Variants in C8orf89 observed in about 807,000 individuals in gnomAD.
C8orf89 encodes the protein chromosome 8 open reading frame 89.
A neutral mutation model predicts 15.8 loss-of-function variants in C8orf89; 14 were observed. The ratio of observed to expected loss-of-function variants is 0.89; its 90% CI spans 0.59 to 1.39. The LOEUF (loss-of-function observed/expected upper bound fraction) is 1.39. Ranked by LOEUF, C8orf89 falls within the 40% of genes most tolerant of loss-of-function variation. The pLI, the probability that C8orf89 is intolerant of heterozygous loss-of-function variation, is 0.00. For synonymous variants in C8orf89, 55 were observed against 62.2 expected, an observed-to-expected ratio of 0.88 and a Z score of 0.54; for missense variants, 181 against 184.5, an observed-to-expected ratio of 0.98 and a Z score of 0.11.
At chr8:73,273,653 C>A in the C8orf89 span, among the ~76,000 whole-genome samples, 1 of 152,078 alleles carries the variant, frequency 6.6e-6, no homozygotes, top group East Asian at 1.9e-4. Context: ...AGGCGGTCCC[C>A]AGTGAAGCCT....
intron 3 of C8orf89, among the ~76,000 whole-genome samples, chr8:73,246,417 C>T (rs111515007): frequency 0.057 from 8,708 of 152,252 alleles, 351 homozygotes; most frequent in African/African-American, 0.12. Flanking sequence ...CTCGCTCTGT[C>T]GCCCAGGCTA....
the C8orf89 span, among the ~76,000 whole-genome samples, chr8:73,285,772 C>A: frequency 1.8e-4 from 27 of 152,336 alleles, no homozygotes; most frequent in East Asian, 5.0e-3. Context: ...CCCGCCCAGT[C>A]CAGCCTTGTC....
the C8orf89 span, among the ~76,000 whole-genome samples, chr8:73,273,924 ACT>A: frequency 6.6e-6 from 1 of 152,054 alleles, no homozygotes; most frequent in Admixed American, 6.5e-5. Context: ...TCTTAAAACT[ACT>A]AAATAGAACT....
At chr8:73,285,923 C>T in the C8orf89 span, among the ~76,000 whole-genome samples, 2 of 152,114 alleles carry the variant, frequency 1.3e-5, no homozygotes, top group East Asian at 1.9e-4. Context: ...TCTCCCGAGG[C>T]TGCAGCGCTG....
upstream of C8orf89, among the ~76,000 whole-genome samples, chr8:73,263,466 A>G (rs1471555826): frequency 6.6e-6 from 1 of 152,028 alleles, no homozygotes; most frequent in African/African-American, 2.4e-5. Context: ...GTGAGCCGAG[A>G]TCACACAACT....
chr8:73,254,975 G>T (rs1195939827), intron 2 of C8orf89, among the ~76,000 whole-genome samples: 4 of 152,128 alleles, frequency 2.6e-5, no homozygotes, highest in Non-Finnish European at 5.9e-5. Context: ...ATTCAAGATG[G>T]ATTAAAGACT....
the C8orf89 span, among the ~76,000 whole-genome samples, chr8:73,272,453 T>C: frequency 6.6e-6 from 1 of 151,912 alleles, no homozygotes; most frequent in Non-Finnish European, 1.5e-5. Flanking sequence ...TTTTTTTTAA[T>C]ATATATATAT....
intron 1 of C8orf89, among the ~76,000 whole-genome samples, chr8:73,258,526 C>A (rs1208486815): frequency 6.6e-6 from 1 of 151,310 alleles, no homozygotes; most frequent in Non-Finnish European, 1.5e-5. Context: ...TATTAATATA[C>A]TCATCTACAT....
chr8:73,272,690 T>C, the C8orf89 span, among the ~76,000 whole-genome samples: 1 of 151,626 alleles, frequency 6.6e-6, no homozygotes, highest in South Asian at 2.1e-4. Context: ...CACCTATGAG[T>C]GAGAACATGC....
chr8:73,283,723 G>A, the C8orf89 span, among the ~76,000 whole-genome samples: 9 of 152,304 alleles, frequency 5.9e-5, no homozygotes, highest in African/African-American at 2.2e-4. Context: ...AATTTATTCT[G>A]TAGAACTGTT....
At chr8:73,274,783 A>G in the C8orf89 span, among the ~76,000 whole-genome samples, 1 of 152,202 alleles carries the variant, frequency 6.6e-6, no homozygotes, top group African/African-American at 2.4e-5. Context: ...TTAGTTTTAC[A>G]TAAATAAGTT....
At chr8:73,273,433 T>C in the C8orf89 span, among the ~76,000 whole-genome samples, 1 of 152,254 alleles carries the variant, frequency 6.6e-6, no homozygotes, top group Non-Finnish European at 1.5e-5. Context: ...GGGCGTGTGC[T>C]CGCTCAGGGA....
At position 73,256,726 on chromosome 8, in the gene C8orf89, C is replaced by CAAAAAA. The variant is rs11288188; in HGVS notation, c.281+241_281+246dup. The stretch of plus-strand genomic sequence containing the variant: ...CTGGCAAAACAGCGAGACTCTGTCT[C>CAAAAAA]AAAAAAAAAAAAAAAAAAAAAAAGC... On this transcript the variant is annotated intron_variant, in intron 2 of 3. Coordinates refer to ENST00000624510, the MANE Select transcript of C8orf89 (RefSeq NM_001243237.3). Among the ~76,000 whole-genome samples the CAAAAAA allele has an allele frequency of 2.0e-3, 86 of 43,652 alleles. 1 individual carries two copies. The highest frequency in any genetic ancestry group is 4.5e-3 in the East Asian group (5 of 1,120). 28.6% of individuals were successfully genotyped at this position (43,652 alleles called of 152,430 possible). A position where few individuals can be genotyped will look rare whatever the true frequency, so the allele number is the denominator to read the frequency against.
Position 73,257,041 on chromosome 8 carries a change from A to G in C8orf89, c.213T>C (p.Ser71=). Residue 71 remains serine, a synonymous_variant, in exon 2 of 4, where the codon AGT becomes AGC. Transcript: ENST00000624510. ...GAACCTCTAGTGGAGTTGAACTTAC[A>G]CTTTTTTGGCAACTTTGCAGTCCTG... The part of the protein sequence containing the change: ...YLPGLQSCQK[S]VSSTPLEVPK... 6.5e-7 allele frequency: 1 copy of G among 1,535,812 alleles called. No homozygotes were observed. The highest frequency in any genetic ancestry group is 8.7e-7 in the Non-Finnish European group (1 of 1,146,746).
chr8:73,251,872 C>T (rs1404355828), intron 2 of C8orf89, among the ~76,000 whole-genome samples: 1 of 152,204 alleles, frequency 6.6e-6, no homozygotes, highest in Non-Finnish European at 1.5e-5. Context: ...CTGCACACTC[C>T]TACCTCCTCC....
At chr8:73,254,875 C>T (rs1457607012) in intron 2 of C8orf89, among the ~76,000 whole-genome samples, 1 of 152,162 alleles carries the variant, frequency 6.6e-6, no homozygotes, top group African/African-American at 2.4e-5. Flanking sequence ...GGAAAGGATT[C>T]CCTATTTAAT....
At chr8:73,248,448 T>C (rs1813175084) in intron 3 of C8orf89, among the ~76,000 whole-genome samples, 1 of 152,212 alleles carries the variant, frequency 6.6e-6, no homozygotes, top group Non-Finnish European at 1.5e-5. Flanking sequence ...CATATGAATT[T>C]TAAAATAGTT....
intron 3 of C8orf89, among the ~76,000 whole-genome samples, chr8:73,245,746 C>T (rs532259260): frequency 1.3e-5 from 2 of 152,134 alleles, no homozygotes; most frequent in East Asian, 3.9e-4. Flanking sequence ...ATGCAAGTTT[C>T]TAGAAAATAT....
chr8:73,275,659 T>C, the C8orf89 span, among the ~76,000 whole-genome samples: 1 of 152,250 alleles, frequency 6.6e-6, no homozygotes, highest in African/African-American at 2.4e-5. Flanking sequence ...CCTATTTCTA[T>C]GCTTTCCCCA....
Sources: gnomAD v4.1 joint callset for allele counts (sites outside exome capture counted in the v4.1 genomes callset) on GRCh38, gnomAD v4.1.1 for gene constraint, MANE v1.5 for transcripts, NCBI Gene and HGNC (gene_info 2026-07-23, HGNC 2026-07-21) for gene names.